The following MAML3 variants were observed in gnomAD, a reference collection of about 807,000 sequenced individuals.
The protein encoded by MAML3 is mastermind-like protein 3.
In MAML3, 27 loss-of-function variants were observed where a neutral mutation model predicts 101.9. The ratio of observed to expected loss-of-function variants is 0.27; its 90% confidence interval spans 0.20 to 0.37. The LOEUF (loss-of-function observed/expected upper bound fraction) is 0.37, where lower values mean the gene tolerates loss of function less well. Among genes scored for constraint, MAML3 ranks in the 10% least tolerant of loss-of-function variants. The pLI, the probability that MAML3 is intolerant of heterozygous loss-of-function variation, is 1.00. For missense variants in MAML3, 1,316 were observed against 1,444.9 expected, an observed-to-expected ratio of 0.91 and a Z score of 1.45; for synonymous variants, 501 against 555.9, an observed-to-expected ratio of 0.90 and a Z score of 1.39.
At chr4:140,086,071 C>A (rs1309871629) in intron 1 of MAML3, among the ~76,000 whole-genome samples, 1 of 152,190 alleles carries the variant, frequency 6.6e-6, no homozygotes, top group Non-Finnish European at 1.5e-5. Flanking sequence ...CAGCACAAGT[C>A]TTTTCTAATC....
At chr4:139,990,274 A>G (rs1427041751) in intron 1 of MAML3, among the ~76,000 whole-genome samples, 2 of 152,258 alleles carry the variant, frequency 1.3e-5, no homozygotes, top group African/African-American at 2.4e-5. Flanking sequence ...GTAATTCAGC[A>G]TATAAACAGA....
chr4:140,099,330 G>A (rs907736568), intron 1 of MAML3, among the ~76,000 whole-genome samples: 10 of 151,784 alleles, frequency 6.6e-5, no homozygotes, highest in African/African-American at 2.4e-4. Flanking sequence ...TCTTAATTTT[G>A]TTACTGACAC....
At chr4:140,029,412 T>C (rs912988460) in intron 1 of MAML3, among the ~76,000 whole-genome samples, 4 of 152,196 alleles carry the variant, frequency 2.6e-5, no homozygotes, top group African/African-American at 7.2e-5. Flanking sequence ...ATGCTCACAT[T>C]TGGATTTAAG....
Position 139,889,547 on chromosome 4 carries a change from G to A in MAML3, c.1889C>T (p.Pro630Leu), listed in dbSNP as rs746399140. 3.1e-6 allele frequency: 5 copies of A among 1,610,462 alleles called. No individual in the cohort carries two copies. The highest frequency in any genetic ancestry group is 1.7e-5 in the Admixed American group (1 of 59,684). The change falls in exon 2 of 5, where the codon CCG becomes CTG. Residue 630 changes from proline (P) to leucine (L), a missense_variant. Pro to Leu is a moderately conservative substitution (Grantham distance 98). Coordinates refer to ENST00000509479, the MANE Select transcript of MAML3 (RefSeq NM_018717.5). ...CTGCTGTTGCTGCTGCTGGATATAC[G>A]GCATCAAGGGGTTTTTGTTGGGGTT... Reference protein sequence around the residue: ...VANPNKNPLMPYIQQQQQQQQ... With the variant: ...VANPNKNPLMLYIQQQQQQQQ...
At chr4:140,067,373 C>A (rs770590354) in intron 1 of MAML3, among the ~76,000 whole-genome samples, 17 of 152,138 alleles carry the variant, frequency 1.1e-4, no homozygotes, top group South Asian at 2.1e-4. Flanking sequence ...AAATCTGTCA[C>A]ACAGATTCTA....
chr4:140,092,506 G>A (rs1423582070), intron 1 of MAML3, among the ~76,000 whole-genome samples: 1 of 152,010 alleles, frequency 6.6e-6, no homozygotes, highest in Non-Finnish European at 1.5e-5. Context: ...AACAAACGGC[G>A]CGGCCGCTCC....
At chr4:139,961,831 A>G in intron 1 of MAML3, among the ~76,000 whole-genome samples, 1 of 152,136 alleles carries the variant, frequency 6.6e-6, no homozygotes. Flanking sequence ...CTAAGACACA[A>G]AGCCGGGCAC....
At chr4:140,031,965 T>C (rs1459178360) in intron 1 of MAML3, among the ~76,000 whole-genome samples, 2 of 152,242 alleles carry the variant, frequency 1.3e-5, no homozygotes, top group East Asian at 3.8e-4. Context: ...TGGAACTAAC[T>C]TGCAGTCTCT....
At chr4:140,048,847 G>GA (rs1727222876) in intron 1 of MAML3, among the ~76,000 whole-genome samples, 1 of 152,072 alleles carries the variant, frequency 6.6e-6, no homozygotes, top group Non-Finnish European at 1.5e-5. Flanking sequence ...GACGATATAC[G>GA]GAATACTTTG....
chr4:139,884,696 T>C (rs1732291855), intron 2 of MAML3, among the ~76,000 whole-genome samples: 1 of 152,236 alleles, frequency 6.6e-6, no homozygotes, highest in Non-Finnish European at 1.5e-5. Flanking sequence ...GATAATCACC[T>C]CCTATCAAAG....
intron 1 of MAML3, among the ~76,000 whole-genome samples, chr4:140,125,818 G>A (rs769126433): frequency 2.6e-5 from 4 of 152,152 alleles, no homozygotes; most frequent in South Asian, 4.2e-4. Flanking sequence ...TTGCTCTGTC[G>A]CCCAGGCTGG....
intron 2 of MAML3, among the ~76,000 whole-genome samples, chr4:139,783,007 A>T (rs888198451): frequency 6.6e-6 from 1 of 152,178 alleles, no homozygotes; most frequent in African/African-American, 2.4e-5. Flanking sequence ...AAAAAGGAGC[A>T]ATGCATAAAA....
chr4:140,143,053 T>C (rs1729001113), intron 1 of MAML3, among the ~76,000 whole-genome samples: 1 of 152,262 alleles, frequency 6.6e-6, no homozygotes, highest in African/African-American at 2.4e-5. Context: ...TGCAAGAAGA[T>C]ACAAAGCATC....
At chr4:139,929,000 C>T (rs188067174) in intron 1 of MAML3, among the ~76,000 whole-genome samples, 1 of 152,258 alleles carries the variant, frequency 6.6e-6, no homozygotes, top group Non-Finnish European at 1.5e-5. Flanking sequence ...TCAATTTTGA[C>T]AACAAATTTG....
chr4:140,040,163 A>G (rs188322095), intron 1 of MAML3, among the ~76,000 whole-genome samples: 13 of 152,320 alleles, frequency 8.5e-5, no homozygotes, highest in Admixed American at 5.9e-4. Context: ...AGGGAGAAGA[A>G]GTGGGAGAGA....
At chr4:140,036,846 T>C (rs1357464316) in intron 1 of MAML3, among the ~76,000 whole-genome samples, 6 of 152,186 alleles carry the variant, frequency 3.9e-5, no homozygotes, top group Admixed American at 3.9e-4. Flanking sequence ...AGAATCCAAC[T>C]CTTGGTGTGT....
intron 2 of MAML3, among the ~76,000 whole-genome samples, chr4:139,817,457 C>T (rs1204917836): frequency 1.3e-5 from 2 of 152,174 alleles, no homozygotes; most frequent in Non-Finnish European, 2.9e-5. Context: ...GGACCACTGT[C>T]GTCAATCTGG....
chr4:139,772,011 G>C (rs933887422), intron 2 of MAML3, among the ~76,000 whole-genome samples: 6 of 150,672 alleles, frequency 4.0e-5, no homozygotes, highest in Admixed American at 4.0e-4. Context: ...AGGCCGAGGT[G>C]GGCGGATCAC....
intron 1 of MAML3, among the ~76,000 whole-genome samples, chr4:140,063,062 A>C (rs1727473161): frequency 6.6e-6 from 1 of 152,220 alleles, no homozygotes; most frequent in Non-Finnish European, 1.5e-5. Context: ...TCACAACATG[A>C]TGCAAGTATT....
Sources: gnomAD v4.1 joint callset for allele counts (sites outside exome capture counted in the v4.1 genomes callset) on GRCh38, gnomAD v4.1.1 for gene constraint, MANE v1.5 for transcripts, NCBI Gene and HGNC (gene_info 2026-07-23, HGNC 2026-07-21) for gene names.